The following APOC2 variants were observed in gnomAD, a reference collection of about 807,000 sequenced individuals.
APOC2 encodes apolipoprotein C2.
Under a neutral mutation model 10.2 loss-of-function variants are expected in APOC2, and 6 were observed. The ratio of observed to expected loss-of-function variants is 0.59; its 90% CI spans 0.32 to 1.16. The LOEUF (loss-of-function observed/expected upper bound fraction) is 1.16. Ranked by LOEUF, APOC2 falls within the 50% of genes most tolerant of loss-of-function variation. The pLI, the probability that APOC2 is intolerant of heterozygous loss-of-function variation, is 0.05. For missense variants in APOC2, 110 were observed against 117.6 expected, an observed-to-expected ratio of 0.94 and a Z score of 0.30; for synonymous variants, 56 against 48.5, an observed-to-expected ratio of 1.15 and a Z score of -0.64.
At chr19:44,948,089 T>C (rs1424381597) in intron 1 of APOC2, among the ~76,000 whole-genome samples, 2 of 150,264 alleles carry the variant, frequency 1.3e-5, no homozygotes. Flanking sequence ...AAAACAAAAA[T>C]CAGCCGGGTG....
In APOC2 at chr19:44,949,326, C is replaced by G. The variant is rs1474754355; in HGVS notation, c.*77C>G. The G allele has an allele frequency of 5.5e-6, 6 of 1,096,922 alleles. No homozygotes were observed. In the African/African-American group the frequency reaches 6.2e-5, roughly 11 times the overall value. The allele number at this position is 1,096,922 out of a possible 1,614,324, so 67.9% of individuals were successfully genotyped here. A position where few individuals can be genotyped will look rare whatever the true frequency, so the allele number is the denominator to read the frequency against. Reference sequence around the variant, plus strand: ...CCCCCAGGTTCAGACTGAGCTCCCCCTTCCCAGTAGCTCTTGCATCCTCCT... The same window carrying G: ...CCCCCAGGTTCAGACTGAGCTCCCCGTTCCCAGTAGCTCTTGCATCCTCCT... On this transcript the variant is annotated 3_prime_UTR_variant, in exon 4 of 4. Coordinates refer to ENST00000252490, the MANE Select transcript of APOC2 (RefSeq NM_000483.5).
Position 44,948,185 on chromosome 19 carries a change from A to G in APOC2, c.-13-281A>G, listed in dbSNP as rs7256684. 158,646 of 313,086 alleles carry G rather than the reference A, an allele frequency of 0.51. 41,669 individuals are homozygous for G. Among genetic ancestry groups the G allele is most frequent in the African/African-American group, 0.63 (29,095 of 46,288 alleles). The allele number at this position is 313,086 out of a possible 1,614,324, so 19.4% of individuals were successfully genotyped here. ...TGGGAGGTGGGGGTTGCAGTGAGCC[A>G]AGATTGCACCACTGCACTCCAGCCT... is the stretch of plus-strand genomic sequence containing the variant. On this transcript the variant is annotated intron_variant, in intron 1 of 3. Coordinates refer to ENST00000252490, the MANE Select transcript of APOC2 (RefSeq NM_000483.5).
chr19:44,947,455 G>T lies in APOC2; in HGVS notation c.-13-1011G>T, dbSNP rs559706335. 166 of 152,538 alleles carry T rather than the reference G, an allele frequency of 1.1e-3. 1 individual carries two copies. The highest frequency in any genetic ancestry group is 1.2e-3 in the Non-Finnish European group (81 of 68,198). The allele number at this position is 152,538 out of a possible 1,614,324, so 9.4% of individuals were successfully genotyped here. ...GACTCAGCCTTAGCAAAGGGCAGAG[G>T]CTTTGCTGTGTTCCCTGCTGGGCCC... On this transcript the variant is annotated intron_variant, in intron 1 of 3. Transcript: ENST00000252490.
Position 44,948,698 on chromosome 19 carries a change from C to T in APOC2, c.56-3C>T, listed in dbSNP as rs1347538468. ...GCTCTCCTGACACACTCTCCCCCTG[C>T]AGAGGTCCAGGGGACCCAACAGCCC... On this transcript the variant is annotated splice_region_variant and splice_polypyrimidine_tract_variant and intron_variant, in intron 2 of 3. Transcript: ENST00000252490. 9 of 1,613,964 alleles carry T rather than the reference C, an allele frequency of 5.6e-6. No homozygotes were observed. Among genetic ancestry groups the T allele is most frequent in the Non-Finnish European group, 7.6e-6 (9 of 1,179,998 alleles).
At position 44,948,761 on chromosome 19, in the gene APOC2, AG is replaced by A. The variant is rs1406419764; in HGVS notation, c.118del (p.Val40Ter). 2 of 1,614,060 alleles carry A rather than the reference AG, an allele frequency of 1.2e-6. No homozygotes were observed. The highest frequency in any genetic ancestry group is 1.7e-6 in the Non-Finnish European group (2 of 1,180,024). ...DEMPSPTFLT[Q>X]VKESLSSYWE... ...ATGCCTAGCCCGACCTTCCTCACCC[AG>A]GTGAAGGAATCTCTCTCCAGTTACT... is the stretch of plus-strand genomic sequence containing the variant. On this transcript the variant is annotated frameshift_variant, in exon 3 of 4. Coordinates refer to ENST00000252490, the MANE Select transcript of APOC2 (RefSeq NM_000483.5). LOFTEE classifies it high-confidence loss of function.
At chr19:44,947,505 G>A (rs1228087452) in intron 1 of APOC2, among the ~76,000 whole-genome samples, 2 of 152,310 alleles carry the variant, frequency 1.3e-5, no homozygotes, top group South Asian at 2.1e-4. Flanking sequence ...GCTCAAGAAA[G>A]CCTTCTAGGC....
At chr19:44,948,139 G>C in intron 1 of APOC2, 1 of 273,000 alleles carries the variant, frequency 3.7e-6, no homozygotes, top group Non-Finnish European at 7.3e-6. Context: ...GGGAGGCTGA[G>C]GCAGGAGAAT....
In APOC2 at chr19:44,949,200, C is replaced by T. The variant is rs199687805; in HGVS notation, c.257C>T (p.Thr86Ile). The change falls in exon 4 of 4, where the codon ACA becomes ATA. Residue 86 changes from threonine to isoleucine, a missense_variant. By Grantham distance (89) the Thr-to-Ile change is moderately conservative. Coordinates refer to ENST00000252490, the MANE Select transcript of APOC2 (RefSeq NM_000483.5). ...SKSTAAMSTYTGIFTDQVLSV... is the reference protein window; with the variant it reads ...SKSTAAMSTYIGIFTDQVLSV... ...AGCACAGCAGCCATGAGCACTTACA[C>T]AGGCATTTTTACTGACCAAGTTCTT... 33 of 1,614,120 alleles carry T rather than the reference C, an allele frequency of 2.0e-5. No individual in the cohort carries two copies. Among genetic ancestry groups the T allele is most frequent in the African/African-American group, 1.3e-5 (1 of 75,050 alleles).
At chr19:44,948,207 G>A (rs1048737874) in intron 1 of APOC2, 3 of 371,640 alleles carry the variant, frequency 8.1e-6, no homozygotes, top group Non-Finnish European at 1.5e-5. Flanking sequence ...CTGCACTCCA[G>A]CCTGGGCAAC....
Position 44,949,240 on chromosome 19 carries a change from A to G in APOC2, c.297A>G (p.Gly99=). 4 of 1,613,596 alleles carry G rather than the reference A, an allele frequency of 2.5e-6. No homozygotes were observed. Among genetic ancestry groups the G allele is most frequent in the Non-Finnish European group, 3.4e-6 (4 of 1,179,788 alleles). ...ACCAAGTTCTTTCTGTGCTGAAGGG[A>G]GAGGAGTAACAGCCAGACCCCCCAT... ...FTDQVLSVLK[G]EE Residue 99 remains glycine, a synonymous_variant, in exon 4 of 4, where the codon GGA becomes GGG. Transcript: ENST00000252490.
chr19:44,948,055 C>A (rs748852495), intron 1 of APOC2, among the ~76,000 whole-genome samples: 1 of 150,662 alleles, frequency 6.6e-6, no homozygotes, highest in Non-Finnish European at 1.5e-5. Flanking sequence ...GGTGACAGAG[C>A]GAGACTCCAT....
chr19:44,948,961 G>A, intron 3 of APOC2, 101 bp downstream of exon 3: 1 of 1,523,008 alleles, frequency 6.6e-7, no homozygotes, highest in Non-Finnish European at 8.9e-7. Flanking sequence ...AGACCCAGGA[G>A]TCCAGGCCTC....
In APOC2 at chr19:44,948,829, A is replaced by G; in HGVS notation, c.184A>G (p.Thr62Ala). ...KTAAQNLYEK[T>A]YLPAVDEKLR... is the part of the protein sequence containing the mutation. ...AGCCGCCCAGAACCTGTACGAGAAGACATACCTGCCCGCTGTAGATGAGAA... is the reference window on the plus strand; with the variant it reads ...AGCCGCCCAGAACCTGTACGAGAAGGCATACCTGCCCGCTGTAGATGAGAA... Residue 62 changes from threonine to alanine, a missense_variant, in exon 3 of 4, where the codon ACA (threonine) becomes GCA (alanine). Physicochemically the swap from Thr to Ala is moderately conservative, Grantham distance 58. Transcript: ENST00000252490. 2 of 1,613,836 alleles carry G rather than the reference A, an allele frequency of 1.2e-6. No homozygotes were observed. Among genetic ancestry groups the G allele is most frequent in the South Asian group, 2.2e-5 (2 of 91,082 alleles).
intron 1 of APOC2, among the ~76,000 whole-genome samples, 157 bp downstream of exon 1, chr19:44,946,232 T>A (rs111268759): frequency 0.013 from 1,538 of 120,342 alleles, 16 homozygotes; most frequent in African/African-American, 0.032. Flanking sequence ...TGTGTGTGTG[T>A]GTGAGAGAGA....
intron 3 of APOC2, 93 bp downstream of exon 3, chr19:44,948,953 A>T (rs1599993547): frequency 6.4e-7 from 1 of 1,559,672 alleles, no homozygotes; most frequent in East Asian, 2.3e-5. Flanking sequence ...CCTCCCTCAG[A>T]CCCAGGAGTC....
chr19:44,949,048 C>A (rs1208946877), intron 3 of APOC2, 111 bp from the exon 4 acceptor site: 7 of 1,136,910 alleles, frequency 6.2e-6, no homozygotes, highest in Non-Finnish European at 7.3e-6. Context: ...AGGCCCCCAG[C>A]CCCTCCTCCC....
At position 44,948,552 on chromosome 19, in the gene APOC2, G is replaced by C; in HGVS notation, c.55+19G>C. 1 of 1,612,834 alleles carries C rather than the reference G, an allele frequency of 6.2e-7. No individual in the cohort carries two copies. The highest frequency in any genetic ancestry group is 8.5e-7 in the Non-Finnish European group (1 of 1,178,862). On this transcript the variant is annotated intron_variant, in intron 2 of 3. Transcript: ENST00000252490. ...GGATTTGGTGAGTGTGGGCTTCCGG[G>C]GAGGGAAGCCTTGGGGAGGGGAATG... is the stretch of plus-strand genomic sequence containing the variant.
intron 1 of APOC2, among the ~76,000 whole-genome samples, chr19:44,946,730 G>A (rs1241797996): frequency 6.6e-6 from 1 of 152,096 alleles, no homozygotes; most frequent in East Asian, 1.9e-4. Flanking sequence ...GCTGAGACAG[G>A]AGAATTGCTT....
At chr19:44,948,561 C>T in intron 2 of APOC2, 28 bp downstream of exon 2, 2 of 1,612,186 alleles carry the variant, frequency 1.2e-6, no homozygotes, top group Non-Finnish European at 1.7e-6. Flanking sequence ...GGGAGGGAAG[C>T]CTTGGGGAGG....
Sources: allele counts gnomAD v4.1 joint callset (sites outside exome capture counted in the v4.1 genomes callset), GRCh38; gene constraint gnomAD v4.1.1; transcripts MANE v1.5; gene names NCBI Gene and HGNC (gene_info 2026-07-23, HGNC 2026-07-21).